LRP2: variants seen among roughly 807,000 people sequenced by gnomAD.
The protein encoded by LRP2 is LDL receptor related protein 2.
A neutral mutation model predicts 531.0 loss-of-function variants in LRP2; 172 were observed. That is an observed-to-expected ratio of 0.32 (90% CI 0.29 to 0.37). The LOEUF (loss-of-function observed/expected upper bound fraction) is 0.37, where lower values mean the gene tolerates loss of function less well. Among genes scored for constraint, LRP2 ranks in the 10% least tolerant of loss-of-function variants. The pLI, the probability that LRP2 is intolerant of heterozygous loss-of-function variation, is 1.00. For missense variants in LRP2, 5,167 were observed against 5,868.3 expected (o/e 0.88, Z 3.90); for synonymous variants, 1,992 against 2,027.6 (o/e 0.98, Z 0.47).
intron 49 of LRP2, among the ~76,000 whole-genome samples, chr2:169,187,519 G>T (rs1687675201): frequency 6.6e-6 from 1 of 152,194 alleles, no homozygotes; most frequent in Non-Finnish European, 1.5e-5. Flanking sequence ...CCATGCTGTG[G>T]ATTCTCAACT....
At chr2:169,170,037 A>C (rs1320359060) in intron 59 of LRP2, among the ~76,000 whole-genome samples, 1 of 152,204 alleles carries the variant, frequency 6.6e-6, no homozygotes, top group East Asian at 1.9e-4. Flanking sequence ...CCTAATATTA[A>C]ATAATCTCCA....
intron 31 of LRP2, among the ~76,000 whole-genome samples, chr2:169,229,322 G>A (rs1357107693): frequency 6.6e-6 from 1 of 152,128 alleles, no homozygotes; most frequent in Non-Finnish European, 1.5e-5. Context: ...AGACACTATA[G>A]TCAGGAATGA....
intron 7 of LRP2, 142 bp from the exon 8 acceptor site, chr2:169,291,139 T>C: frequency 1.4e-6 from 1 of 713,402 alleles, no homozygotes; most frequent in Non-Finnish European, 2.3e-6. Context: ...AGTTAGTGAT[T>C]TCTAACTCTA....
intron 60 of LRP2, among the ~76,000 whole-genome samples, 185 bp downstream of exon 60, chr2:169,169,517 G>A (rs969986709): frequency 3.9e-5 from 6 of 152,224 alleles, no homozygotes; most frequent in African/African-American, 1.4e-4. Context: ...AAGTACACTT[G>A]AACGGCCATT....
intron 4 of LRP2, among the ~76,000 whole-genome samples, chr2:169,300,226 T>G (rs892587946): frequency 3.9e-5 from 6 of 152,020 alleles, no homozygotes; most frequent in African/African-American, 1.4e-4. Context: ...AGAGTGAAAT[T>G]ACAGCTATTA....
chr2:169,235,540 C>T (rs1348197336), intron 29 of LRP2, among the ~76,000 whole-genome samples: 1 of 152,100 alleles, frequency 6.6e-6, no homozygotes, highest in African/African-American at 2.4e-5. Flanking sequence ...CGCCCGGCCA[C>T]CTGACACAAT....
chr2:169,286,493 G>C (rs1010441355), intron 9 of LRP2, among the ~76,000 whole-genome samples: 1 of 152,166 alleles, frequency 6.6e-6, no homozygotes, highest in Admixed American at 6.5e-5. Flanking sequence ...TCACTAGTAG[G>C]TTAAATGCAA....
intron 14 of LRP2, 36 bp downstream of exon 14, chr2:169,275,000 G>A (rs746628669): frequency 5.6e-6 from 9 of 1,598,608 alleles, no homozygotes; most frequent in Non-Finnish European, 5.1e-6. Flanking sequence ...CACCAAGTCC[G>A]GTACCAAGCA....
intron 1 of LRP2, among the ~76,000 whole-genome samples, chr2:169,330,513 C>A (rs1023325646): frequency 2.0e-5 from 3 of 152,176 alleles, no homozygotes; most frequent in Admixed American, 6.5e-5. Flanking sequence ...TTATGCACCT[C>A]TCACCTCTAC....
Position 169,152,830 on chromosome 2 carries a change from G to C in LRP2, c.12430C>G (p.Pro4144Ala). 1 of 1,614,016 alleles carries C rather than the reference G, an allele frequency of 6.2e-7. No individual in the cohort carries two copies. The highest frequency in any genetic ancestry group is 8.5e-7 in the Non-Finnish European group (1 of 1,179,928). ...ACCCAGTCCACTGCTATTCCATCTGGCTGCATTACGTATTTCAGTTTCAGG... is the reference window on the plus strand; with the variant it reads ...ACCCAGTCCACTGCTATTCCATCTGCCTGCATTACGTATTTCAGTTTCAGG... The part of the protein sequence containing the change: ...VDLKLKYVMQ[P>A]DGIAVDWVGR... Residue 4144 changes from proline to alanine, a missense_variant, in exon 67 of 79, where the codon CCA (proline) becomes GCA (alanine). Pro to Ala is a conservative substitution (Grantham distance 27). Around this residue, in one of 6 missense-constraint regions of LRP2, gnomAD observed 564 missense variants for 747.7 expected, o/e 0.75. Coordinates refer to ENST00000649046, the MANE Select transcript of LRP2 (RefSeq NM_004525.3).
At position 169,284,229 on chromosome 2, in the gene LRP2, CTCTTT is replaced by C. The variant is rs1214533905; in HGVS notation, c.1043-1233_1043-1229del. 7.4e-5 allele frequency among the ~76,000 whole-genome samples: 10 copies of C among 134,594 alleles called. No homozygotes were observed. The South Asian group carries it at 1.8e-3, about 24-fold the overall frequency. 88.3% of individuals were successfully genotyped at this position (134,594 alleles called of 152,430 possible). ...AACCCACCAAAAGGCCAAGTTTCTT[CTCTTT>C]TCTTTTCTTTTTCTTTTTTTTCTTT... is the stretch of plus-strand genomic sequence containing the variant. On this transcript the variant is annotated intron_variant, in intron 9 of 78. Coordinates refer to ENST00000649046, the MANE Select transcript of LRP2 (RefSeq NM_004525.3).
intron 68 of LRP2, among the ~76,000 whole-genome samples, 185 bp downstream of exon 68, chr2:169,150,713 G>T (rs1338539030): frequency 2.6e-5 from 4 of 152,114 alleles, no homozygotes; most frequent in Non-Finnish European, 5.9e-5. Flanking sequence ...TTCCCCATCA[G>T]AAATGGTTGG....
chr2:169,160,900 G>A (rs1387036910), intron 63 of LRP2, among the ~76,000 whole-genome samples: 1 of 152,186 alleles, frequency 6.6e-6, no homozygotes, highest in East Asian at 1.9e-4. Context: ...TAAATGGCAA[G>A]CCAACTCAAT....
In LRP2 at chr2:169,225,298, T is replaced by G. The variant is rs778652519; in HGVS notation, c.5538+12A>C. 1.2e-6 allele frequency: 2 copies of G among 1,612,804 alleles called. No homozygotes were observed. The highest frequency in any genetic ancestry group is 1.7e-6 in the Non-Finnish European group (2 of 1,178,936). On this transcript the variant is annotated intron_variant, in intron 33 of 78. Transcript: ENST00000649046. ...TCCAATGTTTGTGTAAGTAGTATTA[T>G]GGAATCATTACCTCGATTGACTGAG...
At chr2:169,168,429 A>C (rs1339886898) in intron 61 of LRP2, 110 bp downstream of exon 61, 2 of 1,339,724 alleles carry the variant, frequency 1.5e-6, no homozygotes, top group Admixed American at 1.7e-5. Context: ...TCCTGTGTCC[A>C]TTCCTAAACA....
chr2:169,330,719 AAAAACACTCCCAGGCACATCTATGCC>A (rs1553515242), intron 1 of LRP2, among the ~76,000 whole-genome samples: 1 of 152,130 alleles, frequency 6.6e-6, no homozygotes, highest in Non-Finnish European at 1.5e-5. Context: ...TCACGGTGAC[AAAAACACTCCCAGGCACATCTATGCC>A]GCTTGAGAGT....
At chr2:169,314,433 A>G (rs1208810105) in intron 3 of LRP2, among the ~76,000 whole-genome samples, 1 of 151,116 alleles carries the variant, frequency 6.6e-6, no homozygotes, top group Non-Finnish European at 1.5e-5. Context: ...CTAAAAAAAA[A>G]AAAATATGTA....
At chr2:169,151,989 A>T (rs1164843927) in intron 67 of LRP2, among the ~76,000 whole-genome samples, 1 of 152,194 alleles carries the variant, frequency 6.6e-6, no homozygotes, top group Admixed American at 6.6e-5. Context: ...TCTCCAGGAG[A>T]GTAGTGTCTC....
At chr2:169,195,309 A>G (rs905306793) in intron 46 of LRP2, among the ~76,000 whole-genome samples, 2 of 152,092 alleles carry the variant, frequency 1.3e-5, no homozygotes, top group Non-Finnish European at 2.9e-5. Flanking sequence ...GTATAGTAAG[A>G]CTCCATCTGT....
Sources: allele counts gnomAD v4.1 joint callset (sites outside exome capture counted in the v4.1 genomes callset), GRCh38; gene constraint gnomAD v4.1.1; regional missense constraint gnomAD v4.1.1; transcripts MANE v1.5; gene names NCBI Gene and HGNC (gene_info 2026-07-23, HGNC 2026-07-21).